Variants in SDK1 observed in about 807,000 individuals in gnomAD.
The protein encoded by SDK1 is protein sidekick-1.
In SDK1, 157 loss-of-function variants were observed where a neutral mutation model predicts 245.5. That is an observed-to-expected ratio of 0.64 (90% confidence interval 0.56 to 0.73). The LOEUF is 0.73. SDK1 is among the 30% of genes least tolerant of loss of function. The probability of loss-of-function intolerance (pLI) is 0.00; values close to 1 mark genes in which losing one functional copy is unlikely to be tolerated. For synonymous variants in SDK1, 1,647 were observed against 1,278.5 expected (o/e 1.29, Z -6.15); for missense variants, 3,583 against 3,002.3 (o/e 1.19, Z -4.52).
intron 1 of SDK1, among the ~76,000 whole-genome samples, chr7:3,344,553 A>G (rs1780442367): frequency 6.6e-6 from 1 of 152,220 alleles, no homozygotes. Context: ...TCCAGGCTGA[A>G]TAAAAATGTG....
intron 16 of SDK1, among the ~76,000 whole-genome samples, chr7:4,015,020 C>T (rs1053884722): frequency 2.0e-5 from 3 of 152,018 alleles, no homozygotes; most frequent in Non-Finnish European, 4.4e-5. Context: ...TTCCTTATAA[C>T]TCATAGTTAT....
intron 1 of SDK1, among the ~76,000 whole-genome samples, chr7:3,474,368 A>G (rs888745244): frequency 6.6e-6 from 1 of 151,956 alleles, no homozygotes; most frequent in African/African-American, 2.4e-5. Flanking sequence ...TGCTGGGATT[A>G]CAGGTGTGAG....
At chr7:3,716,787 AAAGGAAAAATCAAACT>A (rs1785215386) in intron 4 of SDK1, among the ~76,000 whole-genome samples, 1 of 151,894 alleles carries the variant, frequency 6.6e-6, no homozygotes, top group Admixed American at 6.5e-5. Flanking sequence ...AAAAAAAGAA[AAAGGAAAAATCAAACT>A]AAGGAAAAAT....
intron 1 of SDK1, among the ~76,000 whole-genome samples, chr7:3,554,801 A>G (rs1356073469): frequency 1.5e-4 from 23 of 152,200 alleles, no homozygotes; most frequent in Non-Finnish European, 3.2e-4. Flanking sequence ...AAAACAAACA[A>G]TCTGAAAAAA....
In SDK1 at chr7:3,317,602, G is replaced by GT. The variant is rs111866137; in HGVS notation, c.298+15724dup. ...CATTCATTGACTATCTTTAAGTGGC[G>GT]TTTTTTCCTTCCCTACCTGTATTAA... On this transcript the variant is annotated intron_variant, in intron 1 of 44. Coordinates refer to ENST00000404826, the MANE Select transcript of SDK1 (RefSeq NM_152744.4). 3.5e-4 allele frequency among the ~76,000 whole-genome samples: 54 copies of GT among 152,124 alleles called. 3 individuals carry two copies. Among genetic ancestry groups the GT allele is most frequent in the African/African-American group, 9.4e-4 (39 of 41,478 alleles).
At chr7:3,944,676 G>C (rs1372424195) in intron 5 of SDK1, among the ~76,000 whole-genome samples, 1 of 152,190 alleles carries the variant, frequency 6.6e-6, no homozygotes, top group Non-Finnish European at 1.5e-5. Flanking sequence ...GGTAAAAAAT[G>C]TCGAAGTCCA....
chr7:4,164,556 G>A (rs1375711795), intron 32 of SDK1, among the ~76,000 whole-genome samples: 2 of 152,216 alleles, frequency 1.3e-5, no homozygotes, highest in African/African-American at 4.8e-5. Context: ...GTACCATGCT[G>A]AATCCTACCA....
In SDK1 at chr7:3,804,598, A is replaced by G. The variant is rs531546152; in HGVS notation, c.714-16852A>G. Among the ~76,000 whole-genome samples, 19 of 152,324 alleles carry G rather than the reference A, an allele frequency of 1.2e-4. No individual in the cohort carries two copies. In the South Asian group the frequency reaches 2.9e-3, roughly 23 times the overall value. ...TTTTAGAATATTTTCTCTATAGGAA[A>G]ATCTTGCTGAGATTTTGAAGGAATC... On this transcript the variant is annotated intron_variant, in intron 4 of 44. Coordinates refer to ENST00000404826, the MANE Select transcript of SDK1 (RefSeq NM_152744.4).
intron 1 of SDK1, among the ~76,000 whole-genome samples, chr7:3,598,154 G>T (rs1347927419): frequency 6.6e-6 from 1 of 152,158 alleles, no homozygotes; most frequent in Non-Finnish European, 1.5e-5. Flanking sequence ...AAATGATGTT[G>T]AGCAGCTTCC....
chr7:3,990,960 C>T (rs932879201), intron 14 of SDK1, among the ~76,000 whole-genome samples: 1 of 152,246 alleles, frequency 6.6e-6, no homozygotes, highest in Non-Finnish European at 1.5e-5. Context: ...CTACCTGTTA[C>T]AGCGGTGAAG....
intron 44 of SDK1, among the ~76,000 whole-genome samples, chr7:4,249,710 C>T (rs1443753789): frequency 2.0e-5 from 3 of 152,174 alleles, no homozygotes; most frequent in Admixed American, 2.0e-4. Context: ...GCTAGGTAAC[C>T]TTGCTGCATC....
chr7:3,926,074 C>T (rs549827954), intron 5 of SDK1, among the ~76,000 whole-genome samples: 42 of 152,284 alleles, frequency 2.8e-4, no homozygotes, highest in African/African-American at 9.6e-4. Flanking sequence ...GTCACCTATG[C>T]AGAGTCACAA....
In SDK1 at chr7:3,923,559, G is replaced by A. The variant is rs191603715; in HGVS notation, c.848-27364G>A. Among the ~76,000 whole-genome samples the A allele has an allele frequency of 1.0e-3, 158 of 152,302 alleles. 1 individual carries two copies. Among genetic ancestry groups the A allele is most frequent in the Non-Finnish European group, 1.9e-3 (130 of 68,014 alleles). ...CCCTGAGTACCTGCCAGAAATGCCC[G>A]GTCCAGAGGCACCAGCTCAGAAACT... On this transcript the variant is annotated intron_variant, in intron 5 of 44. Transcript: ENST00000404826.
At chr7:4,189,155 C>A (rs1387985785) in intron 35 of SDK1, among the ~76,000 whole-genome samples, 1 of 152,296 alleles carries the variant, frequency 6.6e-6, no homozygotes, top group Middle Eastern at 3.4e-3. Flanking sequence ...TCTATTCATG[C>A]TTGCTCCCGG....
At chr7:3,560,540 G>A (rs78409646) in intron 1 of SDK1, among the ~76,000 whole-genome samples, 1,922 of 152,098 alleles carry the variant, frequency 0.013, 29 homozygotes, top group Non-Finnish European at 0.015. Context: ...CCAATCTGCC[G>A]CCATTGTCTC....
chr7:3,434,437 G>A (rs778885621), intron 1 of SDK1, among the ~76,000 whole-genome samples: 2 of 152,186 alleles, frequency 1.3e-5, no homozygotes, highest in East Asian at 3.8e-4. Context: ...GGAAGTTTGC[G>A]TAGCTCGCGT....
chr7:4,193,768 G>A (rs1473978026), intron 35 of SDK1, among the ~76,000 whole-genome samples: 2 of 152,092 alleles, frequency 1.3e-5, no homozygotes, highest in Non-Finnish European at 2.9e-5. Context: ...TTGAGACTCA[G>A]TATCTGCTTC....
At chr7:3,337,270 A>T (rs138831214) in intron 1 of SDK1, among the ~76,000 whole-genome samples, 2,342 of 152,304 alleles carry the variant, frequency 0.015, 57 homozygotes, top group African/African-American at 0.047. Context: ...GATAGTTTAA[A>T]AATACTGAAT....
At chr7:3,412,389 A>C (rs540192711) in intron 1 of SDK1, among the ~76,000 whole-genome samples, 1 of 152,314 alleles carries the variant, frequency 6.6e-6, no homozygotes, top group South Asian at 2.1e-4. Flanking sequence ...TTCTCACTCA[A>C]CATGTTTCTT....
Sources: allele counts gnomAD v4.1 joint callset (sites outside exome capture counted in the v4.1 genomes callset), GRCh38; gene constraint gnomAD v4.1.1; transcripts MANE v1.5; gene names NCBI Gene and HGNC (gene_info 2026-07-23, HGNC 2026-07-21).